Variants in GCKR observed in about 807,000 individuals in gnomAD.
GCKR encodes the protein glucokinase regulatory protein.
A neutral mutation model predicts 82.9 loss-of-function variants in GCKR; 73 were observed. The ratio of observed to expected loss-of-function variants is 0.88; its 90% CI spans 0.73 to 1.07. The LOEUF is 1.07. Ranked by LOEUF, GCKR falls within the 50% of genes least tolerant of loss-of-function variation. The pLI is 0.00. For missense variants in GCKR, 784 were observed against 782.1 expected (o/e 1.00, Z -0.03); for synonymous variants, 294 against 291.8 (o/e 1.01, Z -0.08).
chr2:27,517,517 T>G (rs1379788679), intron 16 of GCKR, among the ~76,000 whole-genome samples: 1 of 152,100 alleles, frequency 6.6e-6, no homozygotes. Flanking sequence ...AAGAACAGCA[T>G]GGGGGAACGC....
At chr2:27,511,084 G>C (rs936751578) in intron 16 of GCKR, among the ~76,000 whole-genome samples, 3 of 152,082 alleles carry the variant, frequency 2.0e-5, no homozygotes, top group African/African-American at 7.2e-5. Context: ...CTGGAGTACA[G>C]TGGTGTGATC....
At chr2:27,504,751 C>G (rs1202971366) in intron 9 of GCKR, among the ~76,000 whole-genome samples, 2 of 152,110 alleles carry the variant, frequency 1.3e-5, no homozygotes, top group African/African-American at 4.8e-5. Flanking sequence ...TTGGTCTGTC[C>G]AAAGCATATG....
At chr2:27,497,000 A>T (rs1322869207) in intron 1 of GCKR, 36 bp downstream of exon 1, 1 of 1,525,896 alleles carries the variant, frequency 6.6e-7, no homozygotes, top group Non-Finnish European at 9.1e-7. Context: ...TTCTGTGCTG[A>T]TTCCTAGAAT....
At chr2:27,513,790 AC>A (rs1351292482) in intron 16 of GCKR, among the ~76,000 whole-genome samples, 2 of 152,150 alleles carry the variant, frequency 1.3e-5, no homozygotes, top group African/African-American at 4.8e-5. Context: ...AATAATAATA[AC>A]CTTCTTATGC....
intron 5 of GCKR, 143 bp downstream of exon 5, chr2:27,498,940 A>T: frequency 1.4e-6 from 1 of 733,232 alleles, no homozygotes; most frequent in Non-Finnish European, 2.5e-6. Flanking sequence ...GGCCCACTTC[A>T]CATACTTATG....
intron 17 of GCKR, among the ~76,000 whole-genome samples, chr2:27,521,220 A>T (rs1264552907): frequency 2.0e-5 from 3 of 152,088 alleles, no homozygotes; most frequent in Non-Finnish European, 4.4e-5. Context: ...GTTAAATAAA[A>T]TATATTATTA....
Position 27,523,453 on chromosome 2 carries a change from G to T in GCKR, c.*14G>T. 6.2e-7 allele frequency: 1 copy of T among 1,602,732 alleles called. No individual in the cohort carries two copies. The highest frequency in any genetic ancestry group is 8.5e-7 in the Non-Finnish European group (1 of 1,179,810). On this transcript the variant is annotated 3_prime_UTR_variant, in exon 19 of 19. Coordinates refer to ENST00000264717, the MANE Select transcript of GCKR (RefSeq NM_001486.4). ...GACGTTCAGTGAACCCATGTTTCTG[G>T]GTGGGTGAAAGGGGCCCAACCCTGC...
intron 1 of GCKR, 87 bp from the exon 2 acceptor site, chr2:27,497,157 G>A (rs186208525): frequency 2.7e-6 from 4 of 1,502,726 alleles, no homozygotes; most frequent in Middle Eastern, 1.7e-4. Context: ...TCCAAACTCT[G>A]TGCCTGCTGC....
At chr2:27,498,085 T>G (rs1452225605) in intron 3 of GCKR, among the ~76,000 whole-genome samples, 170 bp from the exon 4 acceptor site, 2 of 152,254 alleles carry the variant, frequency 1.3e-5, no homozygotes, top group Non-Finnish European at 1.5e-5. Context: ...CTGGTTTCTC[T>G]AATCCAATGT....
intron 17 of GCKR, among the ~76,000 whole-genome samples, chr2:27,520,083 T>C (rs1213572379): frequency 6.6e-6 from 1 of 151,986 alleles, no homozygotes; most frequent in African/African-American, 2.4e-5. Flanking sequence ...GTATGCCCTA[T>C]GCAATATTTG....
chr2:27,508,001 T>C lies in GCKR; in HGVS notation c.1265T>C (p.Ile422Thr), dbSNP rs762582768. The change falls in exon 15 of 19, where the codon ATA becomes ACA. Residue 422 changes from isoleucine (I) to threonine (T), a missense_variant. Ile to Thr is a moderately conservative substitution (Grantham distance 89). Transcript: ENST00000264717. ...LDDNLTEVQT[I>T]VEQVKEKTNH... ...GACAACCTCACGGAGGTGCAGACTATAGTGGAGCAGGTGAAAGAGAAGACC... is the reference window on the plus strand; with the variant it reads ...GACAACCTCACGGAGGTGCAGACTACAGTGGAGCAGGTGAAAGAGAAGACC... The C allele has an allele frequency of 1.2e-6, 2 of 1,613,302 alleles. No homozygotes were observed. Among genetic ancestry groups the C allele is most frequent in the Non-Finnish European group, 1.7e-6 (2 of 1,179,320 alleles).
In GCKR at chr2:27,517,770, C is replaced by T. The variant is rs138838889; in HGVS notation, c.1423-1018C>T. Among the ~76,000 whole-genome samples, 334 of 152,272 alleles carry T rather than the reference C, an allele frequency of 2.2e-3. 3 individuals carry two copies. The highest frequency in any genetic ancestry group is 7.6e-3 in the African/African-American group (315 of 41,560). On this transcript the variant is annotated intron_variant, in intron 16 of 18. Transcript: ENST00000264717. ...CAAAAACAAGGGGCAGTTTTATACTCGCGATACCACATGTTTGAACAATTT... is the reference window on the plus strand; with the variant it reads ...CAAAAACAAGGGGCAGTTTTATACTTGCGATACCACATGTTTGAACAATTT...
In GCKR at chr2:27,497,565, C is replaced by G. The variant is rs770600300; in HGVS notation, c.220C>G (p.Leu74Val). 2 of 1,611,424 alleles carry G rather than the reference C, an allele frequency of 1.2e-6. No homozygotes were observed. The highest frequency in any genetic ancestry group is 1.7e-6 in the Non-Finnish European group (2 of 1,177,478). Reference protein sequence around the residue: ...EGQALSTYQRLYSESILTTMV... With the variant: ...EGQALSTYQRVYSESILTTMV... ...CATTCCTGCATATTCCCTACAGAGA[C>G]TCTACAGCGAATCCATTCTGACCAC... is the stretch of plus-strand genomic sequence containing the variant. The change falls in exon 3 of 19, where the codon CTC becomes GTC. Residue 74 changes from leucine (L) to valine (V), a missense_variant. Coordinates refer to ENST00000264717, the MANE Select transcript of GCKR (RefSeq NM_001486.4).
intron 18 of GCKR, among the ~76,000 whole-genome samples, chr2:27,522,951 T>G (rs1201552824): frequency 2.0e-5 from 3 of 150,054 alleles, no homozygotes; most frequent in Non-Finnish European, 4.4e-5. Context: ...GCTGCTGGAG[T>G]GCAGTGGCGC....
intron 16 of GCKR, among the ~76,000 whole-genome samples, chr2:27,515,481 G>T (rs1346279732): frequency 6.6e-6 from 1 of 151,662 alleles, no homozygotes; most frequent in Non-Finnish European, 1.5e-5. Flanking sequence ...TCACCATGTT[G>T]GCCAGGCTGG....
rs763651924 is a variant in GCKR at position 27,507,677 on chromosome 2, C to T, written c.1144-4C>T. 2 of 1,556,760 alleles carry T rather than the reference C, an allele frequency of 1.3e-6. No individual in the cohort carries two copies. The highest frequency in any genetic ancestry group is 1.8e-6 in the Non-Finnish European group (2 of 1,128,488). On this transcript the variant is annotated splice_polypyrimidine_tract_variant and splice_region_variant and intron_variant, in intron 13 of 18. Coordinates refer to ENST00000264717, the MANE Select transcript of GCKR (RefSeq NM_001486.4). ...AGGGACCCTCCCATCTTCTTCTGCC[C>T]CAGGGTCCCCAGTTCACCTTCTCCC...
In GCKR at chr2:27,522,481, G is replaced by A. The variant is rs768693251; in HGVS notation, c.1594G>A (p.Ala532Thr). ...MLQRFSGQSK[A>T]RCIESLLRAI... ...TTAGCGGTTCTCTGGACAGTCCAAG[G>A]CTCGATGCATCGAGAGCCTCCTCCG... Residue 532 changes from alanine (A) to threonine (T), a missense_variant, in exon 18 of 19, where the codon GCT becomes ACT. Physicochemically the swap from Ala to Thr is moderately conservative, Grantham distance 58. Coordinates refer to ENST00000264717, the MANE Select transcript of GCKR (RefSeq NM_001486.4). 5 of 1,613,486 alleles carry A rather than the reference G, an allele frequency of 3.1e-6. No homozygotes were observed. Among genetic ancestry groups the A allele is most frequent in the Non-Finnish European group, 4.2e-6 (5 of 1,179,646 alleles).
rs1669747565 is a variant in GCKR at position 27,506,466 on chromosome 2, T to C, written c.870-15T>C. 6.3e-7 allele frequency: 1 copy of C among 1,584,356 alleles called. No homozygotes were observed. The highest frequency in any genetic ancestry group is 1.3e-5 in the African/African-American group (1 of 74,476). ...GAATTGGGCCCTTCTTGAGAGCTGGTGGCTTTTCTCCCAGATGCCTCCTGG... is the reference window on the plus strand; with the variant it reads ...GAATTGGGCCCTTCTTGAGAGCTGGCGGCTTTTCTCCCAGATGCCTCCTGG... On this transcript the variant is annotated splice_polypyrimidine_tract_variant and intron_variant, in intron 10 of 18. Transcript: ENST00000264717.
intron 8 of GCKR, chr2:27,501,580 G>C (rs1669579325): frequency 2.5e-6 from 1 of 399,126 alleles, no homozygotes; most frequent in African/African-American, 2.1e-5. Context: ...TTTCATATGG[G>C]GGTGAGCCCC....
Sources: gnomAD v4.1 joint callset for allele counts (sites outside exome capture counted in the v4.1 genomes callset) on GRCh38, gnomAD v4.1.1 for gene constraint, MANE v1.5 for transcripts, NCBI Gene and HGNC (gene_info 2026-07-23, HGNC 2026-07-21) for gene names.